Variants in OR8B3 observed in about 807,000 individuals in gnomAD.
The protein encoded by OR8B3 is olfactory receptor 8B3.
For missense variants in OR8B3, 278 were observed against 377.6 expected, an observed-to-expected ratio of 0.74 and a Z score of 2.19; for synonymous variants, 102 against 135.4, an observed-to-expected ratio of 0.75 and a Z score of 1.71.
chr11:124,396,356 A>C lies in OR8B3; in HGVS notation c.*54T>G. ...AAACAACAAAATCTCTTCATGGAAC[A>C]CACTAATAAAAATTTAAAGTTCTTC... On this transcript the variant is annotated 3_prime_UTR_variant, in exon 2 of 2. Coordinates refer to ENST00000641139, the MANE Select transcript of OR8B3 (RefSeq NM_001005467.2). 1 of 1,434,354 alleles carries C rather than the reference A, an allele frequency of 7.0e-7. No homozygotes were observed. Among genetic ancestry groups the C allele is most frequent in the South Asian group, 1.4e-5 (1 of 71,468 alleles). 88.9% of individuals were successfully genotyped at this position (1,434,354 alleles called of 1,614,324 possible). A position where few individuals can be genotyped will look rare whatever the true frequency, so the allele number is the denominator to read the frequency against.
Position 124,396,383 on chromosome 11 carries a change from A to G in OR8B3, c.*27T>C, listed in dbSNP as rs1392027270. ...ACTAATAAAAATTTAAAGTTCTTCA[A>G]TCGTTTTACATTATTACTGCTTCTA... is the stretch of plus-strand genomic sequence containing the variant. On this transcript the variant is annotated 3_prime_UTR_variant, in exon 2 of 2. Coordinates refer to ENST00000641139, the MANE Select transcript of OR8B3 (RefSeq NM_001005467.2). 9 of 1,555,648 alleles carry G rather than the reference A, an allele frequency of 5.8e-6. No individual in the cohort carries two copies. In the Admixed American group the frequency reaches 1.9e-4, roughly 33 times the overall value.
In OR8B3 at chr11:124,396,553, T is replaced by G. The variant is rs1454720250; in HGVS notation, c.799A>C (p.Met267Leu). 6.2e-7 allele frequency: 1 copy of G among 1,613,672 alleles called. No homozygotes were observed. The highest frequency in any genetic ancestry group is 1.1e-5 in the South Asian group (1 of 91,048). Residue 267 changes from methionine (M) to leucine (L), a missense_variant, in exon 2 of 2, where the codon ATG (methionine) becomes CTG (leucine). By Grantham distance (15) the Met-to-Leu change is conservative. Coordinates refer to ENST00000641139, the MANE Select transcript of OR8B3 (RefSeq NM_001005467.2). ...ACAGAAGAAACTTTTCCCTGCTCCA[T>G]AGATCCAGAAGAATATTTAATATAC... ...FMYIKYSSGSMEQGKVSSVFY... is the reference protein window; with the variant it reads ...FMYIKYSSGSLEQGKVSSVFY...
upstream of OR8B3, among the ~76,000 whole-genome samples, chr11:124,402,472 G>GC (rs1260833945): frequency 6.6e-6 from 1 of 152,184 alleles, no homozygotes; most frequent in African/African-American, 2.4e-5. Flanking sequence ...TTGATTCACA[G>GC]CAGAGCCAGG....
upstream of OR8B3, among the ~76,000 whole-genome samples, chr11:124,401,735 G>A (rs558165553): frequency 2.6e-4 from 40 of 152,338 alleles, no homozygotes; most frequent in South Asian, 3.7e-3. Flanking sequence ...ATGGAGAGAA[G>A]TATCTGATCT....
chr11:124,396,293 A>G lies in OR8B3; in HGVS notation c.*117T>C. On this transcript the variant is annotated 3_prime_UTR_variant, in exon 2 of 2. Transcript: ENST00000641139. ...AGATGATTTCATAAGAGAAATGATA[A>G]GACAAGTTTATTAAATCACACATAA... 1 of 927,754 alleles carries G rather than the reference A, an allele frequency of 1.1e-6. No individual in the cohort carries two copies. Among genetic ancestry groups the G allele is most frequent in the Non-Finnish European group, 1.6e-6 (1 of 639,286 alleles). 57.5% of individuals were successfully genotyped at this position (927,754 alleles called of 1,614,324 possible).
chr11:124,407,664 A>G, the OR8B3 span, among the ~76,000 whole-genome samples: 3 of 152,048 alleles, frequency 2.0e-5, no homozygotes, highest in African/African-American at 7.2e-5. Flanking sequence ...TTTTCTATTA[A>G]TTTCTAGAGA....
Position 124,396,826 on chromosome 11 carries a change from G to A in OR8B3, c.526C>T (p.His176Tyr). The change falls in exon 2 of 2, where the codon CAT becomes TAT. Residue 176 changes from histidine (H) to tyrosine (Y), a missense_variant. By Grantham distance (83) the His-to-Tyr change is moderately conservative. Transcript: ENST00000641139. ...LTFCSANIIN[H>Y]YLCDILPLLQ... Reference sequence around the variant, plus strand: ...AGGGGGAGTATGTCACACAAGTAATGGTTGATGATATTAGCACTGCAGAAG... The same window carrying A: ...AGGGGGAGTATGTCACACAAGTAATAGTTGATGATATTAGCACTGCAGAAG... 1 of 1,611,038 alleles carries A rather than the reference G, an allele frequency of 6.2e-7. No homozygotes were observed. The highest frequency in any genetic ancestry group is 1.1e-5 in the South Asian group (1 of 90,886).
chr11:124,397,348 G>A lies in OR8B3; in HGVS notation c.4C>T (p.Leu2=), dbSNP rs1191822313. 1.3e-5 allele frequency: 17 copies of A among 1,337,590 alleles called. No individual in the cohort carries two copies. The highest frequency in any genetic ancestry group is 1.7e-5 in the Non-Finnish European group (17 of 974,656). 82.9% of individuals were successfully genotyped at this position (1,337,590 alleles called of 1,614,324 possible). A position where few individuals can be genotyped will look rare whatever the true frequency, so the allele number is the denominator to read the frequency against. The change falls in exon 2 of 2, where the codon CTG becomes TTG. Residue 2 remains leucine, a synonymous_variant. Coordinates refer to ENST00000641139, the MANE Select transcript of OR8B3 (RefSeq NM_001005467.2). ...GTCACTAAGGAGTTGTTTCTAGCCA[G>A]CATTTTTTGTCTTCAAAAATCTGGG... M[L]ARNNSLVTEF... is the part of the protein sequence containing the mutation.
chr11:124,409,123 GAAC>G, the OR8B3 span, among the ~76,000 whole-genome samples: 28 of 152,158 alleles, frequency 1.8e-4, no homozygotes, highest in Non-Finnish European at 4.0e-4. Flanking sequence ...CCCATTAAAT[GAAC>G]TTTTTTGTTT....
chr11:124,396,645 T>G lies in OR8B3; in HGVS notation c.707A>C (p.Lys236Thr), dbSNP rs751805111. The G allele has an allele frequency of 1.9e-6, 3 of 1,611,620 alleles. No individual in the cohort carries two copies. The highest frequency in any genetic ancestry group is 2.5e-6 in the Non-Finnish European group (3 of 1,179,020). Residue 236 changes from lysine (K) to threonine (T), a missense_variant, in exon 2 of 2, where the codon AAA becomes ACA. Coordinates refer to ENST00000641139, the MANE Select transcript of OR8B3 (RefSeq NM_001005467.2). ...ATGAGAGCTACAAGTACTGAAGGCT[T>G]TTGATCTTCCTTGAGTGGATTTGAT... ...LHIKSTQGRS[K>T]AFSTCSSHVI...
chr11:124,407,912 A>G, the OR8B3 span, among the ~76,000 whole-genome samples: 1 of 152,306 alleles, frequency 6.6e-6, no homozygotes, highest in African/African-American at 2.4e-5. Flanking sequence ...TGTATCTTCC[A>G]TTCCATGAAT....
At chr11:124,401,222 C>CAGAGAGGGAGAGAGAGAG (rs1860988778), upstream of OR8B3, among the ~76,000 whole-genome samples, 2 of 142,398 alleles carry the variant, frequency 1.4e-5, no homozygotes, top group African/African-American at 5.5e-5. Context: ...TGCAAAGAGA[C>CAGAGAGGGAGAGAGAGAG]AGAGAGAGAG....
the OR8B3 span, among the ~76,000 whole-genome samples, chr11:124,408,482 T>C: frequency 6.6e-6 from 1 of 152,214 alleles, no homozygotes; most frequent in African/African-American, 2.4e-5. Context: ...AGTGGCTCTT[T>C]CCATGGCTGA....
At position 124,396,668 on chromosome 11, in the gene OR8B3, G is replaced by C. The variant is rs1263168504; in HGVS notation, c.684C>G (p.Ile228Met). 3.1e-6 allele frequency: 5 copies of C among 1,613,314 alleles called. No homozygotes were observed. The highest frequency in any genetic ancestry group is 4.2e-6 in the Non-Finnish European group (5 of 1,179,648). Residue 228 changes from isoleucine to methionine, a missense_variant, in exon 2 of 2, where the codon ATC (isoleucine) becomes ATG (methionine). Physicochemically the swap from Ile to Met is conservative, Grantham distance 10 (BLOSUM62 1). Coordinates refer to ENST00000641139, the MANE Select transcript of OR8B3 (RefSeq NM_001005467.2). ...CTTTTGATCTTCCTTGAGTGGATTT[G>C]ATATGAAGAATGCTAGTGACAATGA... Reference protein sequence around the residue: ...YVFIVTSILHIKSTQGRSKAF... With the variant: ...YVFIVTSILHMKSTQGRSKAF...
At chr11:124,409,087 C>T in the OR8B3 span, among the ~76,000 whole-genome samples, 2 of 150,186 alleles carry the variant, frequency 1.3e-5, no homozygotes, top group African/African-American at 4.9e-5. Flanking sequence ...TGTAGGGGCT[C>T]GCCTGCCCTG....
In OR8B3 at chr11:124,396,164, G is replaced by T. The variant is rs540025962; in HGVS notation, c.*246C>A. ...CCAGGAGAGAGGAAGGATATAAAAT[G>T]ATAATGAAAAATATCAGTGCATATG... On this transcript the variant is annotated 3_prime_UTR_variant, in exon 2 of 2. Coordinates refer to ENST00000641139, the MANE Select transcript of OR8B3 (RefSeq NM_001005467.2). 86 of 404,326 alleles carry T rather than the reference G, an allele frequency of 2.1e-4. No individual in the cohort carries two copies. Among genetic ancestry groups the T allele is most frequent in the Middle Eastern group, 1.3e-3 (2 of 1,506 alleles). The allele number at this position is 404,326 out of a possible 1,614,324, so 25.0% of individuals were successfully genotyped here.
chr11:124,398,119 G>T (rs1211947342), intron 1 of OR8B3, among the ~76,000 whole-genome samples: 1 of 152,144 alleles, frequency 6.6e-6, no homozygotes, highest in Non-Finnish European at 1.5e-5. Flanking sequence ...TTCCTAGACA[G>T]GGGTCTCCTA....
rs1431609920 is a variant in OR8B3, at chr11:124,395,600, T to C, written c.*810A>G. 6.6e-6 allele frequency: 1 copy of C among 152,154 alleles called. No individual in the cohort carries two copies. Among genetic ancestry groups the C allele is most frequent in the East Asian group, 1.9e-4 (1 of 5,204 alleles). 9.4% of individuals were successfully genotyped at this position (152,154 alleles called of 1,614,324 possible). On this transcript the variant is annotated 3_prime_UTR_variant, in exon 2 of 2. Transcript: ENST00000641139. ...TATTTACCTATAACGAGTAAAAAAA[T>C]AACATTTACAGTAGGAACTACACGC...
upstream of OR8B3, among the ~76,000 whole-genome samples, chr11:124,401,444 T>C (rs1860994717): frequency 6.6e-6 from 1 of 152,214 alleles, no homozygotes; most frequent in African/African-American, 2.4e-5. Context: ...TCATCATCAA[T>C]GAGAAATTAT....
Sources: allele counts gnomAD v4.1 joint callset (sites outside exome capture counted in the v4.1 genomes callset), GRCh38; gene constraint gnomAD v4.1.1; transcripts MANE v1.5; gene names NCBI Gene and HGNC (gene_info 2026-07-23, HGNC 2026-07-21).